PPP2R1B: variants seen among roughly 807,000 people sequenced by gnomAD.
PPP2R1B encodes the protein protein phosphatase 2 scaffold subunit Abeta.
In PPP2R1B, 58 loss-of-function variants were observed where a neutral mutation model predicts 72.7. The observed-to-expected ratio is 0.80, with a 90% CI of 0.65 to 0.99. The LOEUF is 0.99. PPP2R1B is among the 50% of genes least tolerant of loss of function. PPP2R1B has a pLI of 0.00. For synonymous variants in PPP2R1B, 256 were observed against 264.6 expected (o/e 0.97, Z 0.32); for missense variants, 695 against 733.6 (o/e 0.95, Z 0.61).
rs1308268943 is a variant in PPP2R1B at position 111,752,240 on chromosome 11, G to A, written c.1257C>T (p.Ala419=). 2 of 1,613,984 alleles carry A rather than the reference G, an allele frequency of 1.2e-6. No individual in the cohort carries two copies. The highest frequency in any genetic ancestry group is 1.7e-6 in the Non-Finnish European group (2 of 1,180,010). ...IRQLSQSLLP[A]IVELAEDAKW... is the part of the protein sequence containing the mutation. ...TGGCATCTTCTGCCAGCTCCACTAT[G>A]GCAGGAAGGAGAGACTGAGAGAGCT... Residue 419 remains alanine, a synonymous_variant, in exon 10 of 15, where the codon GCC becomes GCT. Transcript: ENST00000527614.
chr11:111,736,674 A>C (rs2136025209), downstream of PPP2R1B, among the ~76,000 whole-genome samples: 1 of 152,322 alleles, frequency 6.6e-6, no homozygotes, highest in South Asian at 2.1e-4. Flanking sequence ...AACAAAAGGC[A>C]AAAAACGTTT....
In PPP2R1B at chr11:111,739,226, C is replaced by G. The variant is rs1482217395; in HGVS notation, c.*2370G>C. The G allele has an allele frequency of 1.9e-5, 19 of 975,508 alleles. No individual in the cohort carries two copies. Among genetic ancestry groups the G allele is most frequent in the Non-Finnish European group, 2.2e-5 (18 of 821,144 alleles). The allele number at this position is 975,508 out of a possible 1,614,324, so 60.4% of individuals were successfully genotyped here. A position where few individuals can be genotyped will look rare whatever the true frequency, so the allele number is the denominator to read the frequency against. On this transcript the variant is annotated 3_prime_UTR_variant, in exon 15 of 15. Transcript: ENST00000527614. Reference sequence around the variant, plus strand: ...CCTATTATGTGCACCAGACACTGTTCCAGGCACTGGCGATACAGTAGAAGA... The same window carrying G: ...CCTATTATGTGCACCAGACACTGTTGCAGGCACTGGCGATACAGTAGAAGA...
the PPP2R1B span, among the ~76,000 whole-genome samples, chr11:111,706,343 C>T: frequency 6.6e-6 from 1 of 152,142 alleles, no homozygotes; most frequent in Non-Finnish European, 1.5e-5. Flanking sequence ...GGCATTAACT[C>T]AGTTGCTCAG....
At chr11:111,727,807 G>A (rs1281891479) in intron 15 of PPP2R1B, 7 of 152,344 alleles carry the variant, frequency 4.6e-5, no homozygotes, top group East Asian at 1.9e-4. Context: ...GGTCCCAGGC[G>A]TGTGGGCACT....
chr11:111,741,207 T>C lies in PPP2R1B; in HGVS notation c.*389A>G, dbSNP rs1279896510. ...GGAATGATGGAGAGACACAGAGATA[T>C]ATGTAAACGTCAAGAGAATCACTCC... On this transcript the variant is annotated 3_prime_UTR_variant, in exon 15 of 15. Coordinates refer to ENST00000527614, the MANE Select transcript of PPP2R1B (RefSeq NM_002716.5). 3.0e-6 allele frequency: 3 copies of C among 1,016,412 alleles called. No homozygotes were observed. Among genetic ancestry groups the C allele is most frequent in the Non-Finnish European group, 3.5e-6 (3 of 849,512 alleles). 63.0% of individuals were successfully genotyped at this position (1,016,412 alleles called of 1,614,324 possible).
chr11:111,763,162 A>G (rs1945390085), intron 3 of PPP2R1B, among the ~76,000 whole-genome samples: 1 of 152,228 alleles, frequency 6.6e-6, no homozygotes, highest in African/African-American at 2.4e-5. Context: ...AATGACAAGG[A>G]GCCAGCCACA....
Position 111,740,226 on chromosome 11 carries a change from G to T in PPP2R1B, c.*1370C>A, listed in dbSNP as rs1215726702. 8 of 975,892 alleles carry T rather than the reference G, an allele frequency of 8.2e-6. No individual in the cohort carries two copies. The East Asian group carries it at 3.4e-4, about 42-fold the overall frequency. The allele number at this position is 975,892 out of a possible 1,614,324, so 60.5% of individuals were successfully genotyped here. ...GAGTTTGATTATGTGAAAAATAGTT[G>T]TTTTTTTTTGAGATGGACTCTCGCT... is the stretch of plus-strand genomic sequence containing the variant. On this transcript the variant is annotated 3_prime_UTR_variant, in exon 15 of 15. Coordinates refer to ENST00000527614, the MANE Select transcript of PPP2R1B (RefSeq NM_002716.5).
In PPP2R1B at chr11:111,741,531, A is replaced by C; in HGVS notation, c.*65T>G. 1 of 1,599,900 alleles carries C rather than the reference A, an allele frequency of 6.3e-7. No individual in the cohort carries two copies. Among genetic ancestry groups the C allele is most frequent in the South Asian group, 1.1e-5 (1 of 87,852 alleles). ...TTTTCCATTCTTTCTCCACCCAGTT[A>C]AGAACACATTGACTAGAAATTTGTG... On this transcript the variant is annotated 3_prime_UTR_variant, in exon 15 of 15. Coordinates refer to ENST00000527614, the MANE Select transcript of PPP2R1B (RefSeq NM_002716.5).
chr11:111,763,842 A>G (rs2136117627), intron 3 of PPP2R1B, among the ~76,000 whole-genome samples: 1 of 143,858 alleles, frequency 7.0e-6, no homozygotes, highest in East Asian at 2.3e-4. Context: ...ATAGACAGAA[A>G]AAAAACTCTC....
Position 111,741,565 on chromosome 11 carries a change from C to T in PPP2R1B, c.*31G>A. The T allele has an allele frequency of 6.2e-7, 1 of 1,608,126 alleles. No homozygotes were observed. The highest frequency in any genetic ancestry group is 8.5e-7 in the Non-Finnish European group (1 of 1,178,638). ...TTGACTAGAAATTTGTGACAAGAAT[C>T]TAGTAAAGGCCTTTTCCCTCCTGCT... On this transcript the variant is annotated 3_prime_UTR_variant, in exon 15 of 15. Coordinates refer to ENST00000527614, the MANE Select transcript of PPP2R1B (RefSeq NM_002716.5).
At chr11:111,717,634 C>T in the PPP2R1B span, among the ~76,000 whole-genome samples, 1 of 152,182 alleles carries the variant, frequency 6.6e-6, no homozygotes, top group Non-Finnish European at 1.5e-5. Context: ...TATAAAGATA[C>T]ATGCATGAGT....
the PPP2R1B span, among the ~76,000 whole-genome samples, chr11:111,707,801 C>T: frequency 6.6e-6 from 1 of 152,102 alleles, no homozygotes; most frequent in Non-Finnish European, 1.5e-5. Context: ...CCAGTCAATA[C>T]AAAGATAACG....
the PPP2R1B span, among the ~76,000 whole-genome samples, chr11:111,707,649 C>T: frequency 1.3e-5 from 2 of 152,172 alleles, no homozygotes; most frequent in Non-Finnish European, 2.9e-5. Flanking sequence ...AAATAGACTT[C>T]TGTTTTTATG....
chr11:111,764,961 A>C, intron 2 of PPP2R1B, 56 bp from the exon 3 acceptor site: 1 of 1,593,690 alleles, frequency 6.3e-7, no homozygotes, highest in Non-Finnish European at 8.5e-7. Context: ...ACAGCTGGAC[A>C]CTGACACAAA....
intron 15 of PPP2R1B, chr11:111,727,299 C>T: frequency 1.8e-6 from 1 of 540,860 alleles, no homozygotes. Context: ...CCCATCTGAG[C>T]AAACCCCTTC....
chr11:111,726,470 C>T (rs1943970575), downstream of PPP2R1B: 1 of 155,558 alleles, frequency 6.4e-6, no homozygotes, highest in Non-Finnish European at 1.4e-5. Context: ...CGGCCTGATG[C>T]AGAGCGTGAC....
At chr11:111,726,864 G>GA (rs1161958238), downstream of PPP2R1B, 15 of 1,053,736 alleles carry the variant, frequency 1.4e-5, no homozygotes, top group Admixed American at 3.0e-4. Flanking sequence ...CTCCTCTGAA[G>GA]AGACTTTGGT....
At chr11:111,755,820 C>T (rs1555049516) in intron 5 of PPP2R1B, among the ~76,000 whole-genome samples, 1 of 152,060 alleles carries the variant, frequency 6.6e-6, no homozygotes, top group Non-Finnish European at 1.5e-5. Context: ...AAACTCCTGA[C>T]CTCAAATGAT....
At chr11:111,712,058 T>C in the PPP2R1B span, among the ~76,000 whole-genome samples, 48 of 152,370 alleles carry the variant, frequency 3.2e-4, no homozygotes, top group African/African-American at 1.1e-3. Flanking sequence ...GTCTGCACCA[T>C]GTATATATTT....
Sources: allele counts gnomAD v4.1 joint callset (sites outside exome capture counted in the v4.1 genomes callset), GRCh38; gene constraint gnomAD v4.1.1; transcripts MANE v1.5; gene names NCBI Gene and HGNC (gene_info 2026-07-23, HGNC 2026-07-21).